TENT4A: variants seen among roughly 807,000 people sequenced by gnomAD.
TENT4A encodes terminal nucleotidyltransferase 4A, also known as DNA polymerase kappa.
A neutral mutation model predicts 72.8 loss-of-function variants in TENT4A; 7 were observed. The observed-to-expected ratio is 0.10, with a 90% CI of 0.05 to 0.18. The LOEUF is 0.18. Ranked by LOEUF, TENT4A falls within the 10% of genes least tolerant of loss-of-function variation. The pLI, the probability that TENT4A is intolerant of heterozygous loss-of-function variation, is 1.00. For synonymous variants in TENT4A, 456 were observed against 434.3 expected (o/e 1.05, Z -0.62); for missense variants, 831 against 1,017.7 (o/e 0.82, Z 2.50).
intron 5 of TENT4A, among the ~76,000 whole-genome samples, chr5:6,742,878 T>C (rs1435124764): frequency 6.6e-6 from 1 of 152,252 alleles, no homozygotes; most frequent in Non-Finnish European, 1.5e-5. Flanking sequence ...ACTTTGCTTC[T>C]AGCTCAGTGT....
chr5:6,751,448 G>A, intron 11 of TENT4A: 1 of 286,748 alleles, frequency 3.5e-6, no homozygotes, highest in Non-Finnish European at 6.3e-6. Flanking sequence ...CAGGTTGACT[G>A]CCTTCCTGCA....
intron 6 of TENT4A, among the ~76,000 whole-genome samples, chr5:6,744,490 A>G (rs558045439): frequency 1.9e-4 from 29 of 152,290 alleles, no homozygotes; most frequent in South Asian, 4.1e-4. Flanking sequence ...AATCTTGCCT[A>G]TATAATTTAG....
intron 1 of TENT4A, among the ~76,000 whole-genome samples, chr5:6,727,451 C>G (rs997380525): frequency 6.6e-6 from 1 of 152,230 alleles, no homozygotes; most frequent in Admixed American, 6.5e-5. Context: ...GCTTCGGACT[C>G]TCTGCTCTGT....
chr5:6,721,060 G>C (rs1029039569), intron 1 of TENT4A, among the ~76,000 whole-genome samples: 11 of 152,178 alleles, frequency 7.2e-5, no homozygotes, highest in African/African-American at 2.7e-4. Flanking sequence ...AGCCCCCTGA[G>C]TGTTTGGCTC....
rs144388348 is a variant in TENT4A at position 6,754,922 on chromosome 5, C to T, written c.2356C>T (p.Leu786=). ...RKKHTHTRDS[L]PVSLSR ...AAAACACACACACACACGGGACAGTCTGCCCGTGAGCCTCAGCAGATAATG... is the reference window on the plus strand; with the variant it reads ...AAAACACACACACACACGGGACAGTTTGCCCGTGAGCCTCAGCAGATAATG... Residue 786 remains leucine, a synonymous_variant, in exon 13 of 13, where the codon CTG becomes TTG. Transcript: ENST00000230859. 14 of 1,587,628 alleles carry T rather than the reference C, an allele frequency of 8.8e-6. No individual in the cohort carries two copies. The highest frequency in any genetic ancestry group is 1.2e-5 in the Non-Finnish European group (14 of 1,160,356).
In TENT4A at chr5:6,746,437, C is replaced by T. The variant is rs200991550; in HGVS notation, c.1459+10C>T. 15 of 1,613,556 alleles carry T rather than the reference C, an allele frequency of 9.3e-6. No homozygotes were observed. Among genetic ancestry groups the T allele is most frequent in the East Asian group, 2.2e-5 (1 of 44,884 alleles). ...GACCCCCTGCTGCCAGGTAAGGGCG[C>T]CCTGATCTCCACTGCTGAGAGCTGG... On this transcript the variant is annotated intron_variant, in intron 7 of 12. Transcript: ENST00000230859.
rs1190955556 is a variant in TENT4A at position 6,746,018 on chromosome 5, A to C, written c.1246-196A>C. The C allele has an allele frequency of 2.8e-6, 4 of 1,425,968 alleles. No individual in the cohort carries two copies. The African/African-American group carries it at 5.8e-5, about 21-fold the overall frequency. The allele number at this position is 1,425,968 out of a possible 1,614,324, so 88.3% of individuals were successfully genotyped here. On this transcript the variant is annotated intron_variant, in intron 6 of 12. Transcript: ENST00000230859. ...ATCAAACTACACTAAAATTCAGATG[A>C]GTCCGTTGTGTTCCTTTTGAACACT... is the stretch of plus-strand genomic sequence containing the variant.
chr5:6,755,972 A>T lies in TENT4A; in HGVS notation c.*1027A>T, dbSNP rs1742674263. 1 of 152,196 alleles carries T rather than the reference A, an allele frequency of 6.6e-6. No homozygotes were observed. Among genetic ancestry groups the T allele is most frequent in the Non-Finnish European group, 1.5e-5 (1 of 68,040 alleles). The allele number at this position is 152,196 out of a possible 1,614,324, so 9.4% of individuals were successfully genotyped here. A position where few individuals can be genotyped will look rare whatever the true frequency, so the allele number is the denominator to read the frequency against. ...ATGGGTCTGGTGACTATTATTGCGG[A>T]CCGTGGTACCCAGTTTTAGGAATGT... On this transcript the variant is annotated 3_prime_UTR_variant, in exon 13 of 13. Transcript: ENST00000230859.
chr5:6,717,806 C>T (rs1740460807), intron 1 of TENT4A, among the ~76,000 whole-genome samples: 1 of 152,230 alleles, frequency 6.6e-6, no homozygotes, highest in South Asian at 2.1e-4. Context: ...CTCTCATCCC[C>T]TGACCCAGCA....
Position 6,751,096 on chromosome 5 carries a change from C to T in TENT4A, c.1918C>T (p.Pro640Ser), listed in dbSNP as rs1742375384. The T allele has an allele frequency of 6.2e-7, 1 of 1,614,076 alleles. No individual in the cohort carries two copies. ...PSVYQFSLQA[P>S]APLMAGLPTA... is the part of the protein sequence containing the mutation. The stretch of plus-strand genomic sequence containing the variant: ...TGTTTACCAGTTCAGTCTGCAAGCG[C>T]CAGCTCCTCTCATGGCCGGCTTACC... The change falls in exon 11 of 13, where the codon CCA becomes TCA. Residue 640 changes from proline (P) to serine (S), a missense_variant. This residue lies in a region of TENT4A where 332 missense variants were observed against 324.3 expected (regional missense o/e 1.02). Transcript: ENST00000230859.
chr5:6,733,585 A>G (rs1036325194), intron 1 of TENT4A, among the ~76,000 whole-genome samples: 9 of 152,244 alleles, frequency 5.9e-5, no homozygotes, highest in Non-Finnish European at 2.9e-5. Flanking sequence ...TGTGGTTTTT[A>G]TGCAGACGTC....
intron 4 of TENT4A, among the ~76,000 whole-genome samples, chr5:6,741,000 C>T (rs571976930): frequency 5.3e-5 from 8 of 152,202 alleles, no homozygotes; most frequent in Non-Finnish European, 8.8e-5. Flanking sequence ...CTGTTGTCTG[C>T]TGCTCCTCTG....
In TENT4A at chr5:6,748,603, G is replaced by C; in HGVS notation, c.1586+13G>C. 6.2e-7 allele frequency: 1 copy of C among 1,606,132 alleles called. No homozygotes were observed. Among genetic ancestry groups the C allele is most frequent in the Non-Finnish European group, 8.5e-7 (1 of 1,173,258 alleles). On this transcript the variant is annotated intron_variant, in intron 8 of 12. Transcript: ENST00000230859. ...GAGACGCCGAAAGGTAATGGGTTGT[G>C]TGTCTGCGTCTGGGCTCAGCGTGCC...
intron 1 of TENT4A, among the ~76,000 whole-genome samples, chr5:6,726,754 C>G (rs1740942184): frequency 6.6e-6 from 1 of 152,182 alleles, no homozygotes; most frequent in Non-Finnish European, 1.5e-5. Context: ...AGGTGAGACC[C>G]AGTCCCCAGG....
chr5:6,752,567 C>T (rs1742463767), intron 11 of TENT4A, among the ~76,000 whole-genome samples: 1 of 152,238 alleles, frequency 6.6e-6, no homozygotes, highest in Non-Finnish European at 1.5e-5. Context: ...GTAGGGGGTT[C>T]ACCACGGGGG....
intron 1 of TENT4A, among the ~76,000 whole-genome samples, chr5:6,734,248 C>G (rs1456388487): frequency 6.6e-6 from 1 of 152,260 alleles, no homozygotes; most frequent in Non-Finnish European, 1.5e-5. Flanking sequence ...TTTTGTTGGG[C>G]TACTCTTACT....
intron 11 of TENT4A, among the ~76,000 whole-genome samples, chr5:6,752,398 G>A (rs1389454845): frequency 2.6e-5 from 4 of 152,262 alleles, no homozygotes; most frequent in East Asian, 1.9e-4. Flanking sequence ...AGGGGTTCTC[G>A]TTAGCGCACT....
chr5:6,714,398 G>T lies in TENT4A; in HGVS notation c.415G>T (p.Gly139Cys). ...SSSSSSSASL[G>C]RPGGGRGGAF... is the part of the protein sequence containing the mutation. ...GTCGTCCTCCAGCAGCGCCTCGCTG[G>T]GCCGGCCGGGCGGCGGCCGCGGCGG... The change falls in exon 1 of 13, where the codon GGC becomes TGC. Residue 139 changes from glycine to cysteine, a missense_variant. Physicochemically the swap from Gly to Cys is radical, Grantham distance 159. This residue lies in a region of TENT4A where 302 missense variants were observed against 293.8 expected (regional missense o/e 1.03). Coordinates refer to ENST00000230859, the MANE Select transcript of TENT4A (RefSeq NM_006999.6). 5 of 1,136,740 alleles carry T rather than the reference G, an allele frequency of 4.4e-6. No homozygotes were observed. 70.4% of individuals were successfully genotyped at this position (1,136,740 alleles called of 1,614,324 possible).
chr5:6,745,356 A>G (rs763476020), intron 6 of TENT4A, among the ~76,000 whole-genome samples: 27 of 152,106 alleles, frequency 1.8e-4, no homozygotes, highest in Non-Finnish European at 3.7e-4. Context: ...TGCTTCTCTG[A>G]GGGCTTTCTC....
Sources: allele counts gnomAD v4.1 joint callset (sites outside exome capture counted in the v4.1 genomes callset), GRCh38; gene constraint gnomAD v4.1.1; regional missense constraint gnomAD v4.1.1; transcripts MANE v1.5; gene names NCBI Gene and HGNC (gene_info 2026-07-23, HGNC 2026-07-21).